Variants in SNAPC4 observed in about 807,000 individuals in gnomAD.
SNAPC4 encodes snRNA-activating protein complex subunit 4.
Under a neutral mutation model 151.3 loss-of-function variants are expected in SNAPC4, and 127 were observed. The observed-to-expected ratio is 0.84, with a 90% CI of 0.73 to 0.97. The LOEUF (loss-of-function observed/expected upper bound fraction) is 0.97. Ranked by LOEUF, SNAPC4 falls within the 50% of genes least tolerant of loss-of-function variation. SNAPC4 has a pLI of 0.00. For missense variants in SNAPC4, 2,186 were observed against 1,935.0 expected (o/e 1.13, Z -2.43); for synonymous variants, 1,002 against 824.4 (o/e 1.22, Z -3.69).
rs550514596 is a variant in SNAPC4 at position 136,383,790 on chromosome 9, C to T, written c.1501-122G>A. On this transcript the variant is annotated intron_variant, in intron 15 of 23. Transcript: ENST00000684778. This position sits in a 1 kb window ranked among gnomAD's most constrained non-coding sequence, Gnocchi z 4.2. ...GGGCGCCTCCGGGGTCAAGAGCAGC[C>T]GCTGCCGAGGCAGGGTCTCCCTTTG... The T allele has an allele frequency of 1.0e-5, 14 of 1,396,226 alleles. No individual in the cohort carries two copies. The East Asian group carries it at 2.3e-4, about 23-fold the overall frequency. The allele number at this position is 1,396,226 out of a possible 1,614,324, so 86.5% of individuals were successfully genotyped here. A position where few individuals can be genotyped will look rare whatever the true frequency, so the allele number is the denominator to read the frequency against.
At chr9:136,379,415 AAG>A in intron 21 of SNAPC4, 116 bp from the exon 22 acceptor site, 1 of 1,483,842 alleles carries the variant, frequency 6.7e-7, no homozygotes, top group Non-Finnish European at 9.1e-7. Flanking sequence ...GTCTTGAGCC[AAG>A]AGAGGGTCAA....
intron 11 of SNAPC4, 123 bp from the exon 12 acceptor site, chr9:136,387,971 A>G: frequency 3.0e-6 from 2 of 668,522 alleles, no homozygotes; most frequent in Non-Finnish European, 5.4e-6. Flanking sequence ...GGTCACATAG[A>G]AAAGAATCAC....
chr9:136,398,242 G>A (rs977397384), intron 2 of SNAPC4, 57 bp downstream of exon 2: 1 of 1,560,192 alleles, frequency 6.4e-7, no homozygotes, highest in Non-Finnish European at 8.7e-7. Context: ...GAGGAACCCA[G>A]GAGGCAGACC....
In SNAPC4 at chr9:136,381,997, T is replaced by C; in HGVS notation, c.2144A>G (p.His715Arg). ...GGCTCTGTGCCGTAGCCACTGCACA[T>C]GGGATCGGGCCACGCTGTCACCAGA... is the stretch of plus-strand genomic sequence containing the variant. Reference protein sequence around the residue: ...VSSGDSVARSHVQWLRHRATQ... With the variant: ...VSSGDSVARSRVQWLRHRATQ... Residue 715 changes from histidine (H) to arginine (R), a missense_variant, in exon 18 of 24, where the codon CAT becomes CGT. Transcript: ENST00000684778. 6.2e-7 allele frequency: 1 copy of C among 1,610,808 alleles called. No homozygotes were observed. The highest frequency in any genetic ancestry group is 8.5e-7 in the Non-Finnish European group (1 of 1,179,580).
Position 136,383,594 on chromosome 9 carries a change from G to A in SNAPC4, c.1575C>T (p.Gly525=), listed in dbSNP as rs138839050. 60 of 1,611,588 alleles carry A rather than the reference G, an allele frequency of 3.7e-5. No homozygotes were observed. The African/African-American group carries it at 7.5e-4, about 20-fold the overall frequency. ...TCCCTCCACTGCTGCCACTGCTGCT[G>A]CCGCTGCTGCTGGTAGAGCTCCACC... ...SVRWSSTSSS[G]SSSGSSGGSS... The change falls in exon 16 of 24, where the codon GGC becomes GGT. Residue 525 remains glycine (G), a synonymous_variant. Transcript: ENST00000684778. The surrounding 1 kb of genome is among the most constrained non-coding windows in gnomAD (Gnocchi z 4.2).
intron 10 of SNAPC4, among the ~76,000 whole-genome samples, chr9:136,390,810 G>A (rs927548844): frequency 1.3e-5 from 2 of 151,318 alleles, no homozygotes; most frequent in Non-Finnish European, 2.9e-5. Flanking sequence ...AATATACATA[G>A]AAGAAAAACC....
At chr9:136,382,199 G>A (rs532802111) in intron 17 of SNAPC4, 54 bp downstream of exon 17, 1 of 1,602,048 alleles carries the variant, frequency 6.2e-7, no homozygotes, top group Non-Finnish European at 8.5e-7. Flanking sequence ...GAATCACTCA[G>A]ACCAGGGCGG....
chr9:136,394,896 A>G lies in SNAPC4; in HGVS notation c.472-18T>C. 1.1e-5 allele frequency: 17 copies of G among 1,611,894 alleles called. No individual in the cohort carries two copies. The highest frequency in any genetic ancestry group is 1.4e-5 in the Non-Finnish European group (17 of 1,178,468). On this transcript the variant is annotated intron_variant, in intron 5 of 23. Transcript: ENST00000684778. ...GGTGGCCCCTGTCAGGGTGCACGGC[A>G]TCACCACAAGCACAGGCCACATGTG...
At chr9:136,376,061 C>A (rs996791535) in intron 23 of SNAPC4, among the ~76,000 whole-genome samples, 1 of 152,212 alleles carries the variant, frequency 6.6e-6, no homozygotes, top group Admixed American at 6.5e-5. Context: ...GAACAGGGCA[C>A]CACCAGAGCA....
Position 136,378,344 on chromosome 9 carries a change from GGA to G in SNAPC4, c.3481_3482del (p.Ser1161ProfsTer25), listed in dbSNP as rs776716032. Reference protein sequence around the residue: ...DTPAPPTHALSQSPAEADGSV... With the variant: ...DTPAPPTHALXQSPAEADGSV... The stretch of plus-strand genomic sequence containing the variant: ...TGCCATCCGCTTCTGCAGGACTTTG[GGA>G]GAGGGCGTGTGTGGGAGGAGCTGGG... On this transcript the variant is annotated frameshift_variant, in exon 22 of 24. Coordinates refer to ENST00000684778, the MANE Select transcript of SNAPC4 (RefSeq NM_003086.4). LOFTEE classifies it high-confidence loss of function. The G allele has an allele frequency of 6.2e-7, 1 of 1,608,420 alleles. No individual in the cohort carries two copies. Among genetic ancestry groups the G allele is most frequent in the Non-Finnish European group, 8.5e-7 (1 of 1,178,164 alleles).
At position 136,388,595 on chromosome 9, in the gene SNAPC4, C is replaced by T; in HGVS notation, c.976-4G>A. 3 of 1,613,940 alleles carry T rather than the reference C, an allele frequency of 1.9e-6. No homozygotes were observed. The highest frequency in any genetic ancestry group is 2.5e-6 in the Non-Finnish European group (3 of 1,180,016). On this transcript the variant is annotated splice_polypyrimidine_tract_variant and splice_region_variant and intron_variant, in intron 10 of 23. Coordinates refer to ENST00000684778, the MANE Select transcript of SNAPC4 (RefSeq NM_003086.4). Reference sequence around the variant, plus strand: ...ACTGGAAGGCGCTGCGGCTGGTCTTCCCAGGCCCAAACAAAAGCAAATGAG... The same window carrying T: ...ACTGGAAGGCGCTGCGGCTGGTCTTTCCAGGCCCAAACAAAAGCAAATGAG...
rs986354130 is a variant in SNAPC4 at position 136,397,039 on chromosome 9, G to C, written c.131-16C>G. 1 of 1,611,260 alleles carries C rather than the reference G, an allele frequency of 6.2e-7. No homozygotes were observed. The highest frequency in any genetic ancestry group is 1.7e-5 in the Admixed American group (1 of 60,000). On this transcript the variant is annotated splice_polypyrimidine_tract_variant and intron_variant, in intron 2 of 23. Coordinates refer to ENST00000684778, the MANE Select transcript of SNAPC4 (RefSeq NM_003086.4). Reference sequence around the variant, plus strand: ...GGCAGTGAATCTGTCAGAAACACAAGCAACACCGTGTTGGTAACCAGCGTC... The same window carrying C: ...GGCAGTGAATCTGTCAGAAACACAACCAACACCGTGTTGGTAACCAGCGTC...
rs1192259549 is a variant in SNAPC4 at position 136,383,235 on chromosome 9, G to A, written c.1934C>T (p.Ser645Phe). 2 of 1,579,922 alleles carry A rather than the reference G, an allele frequency of 1.3e-6. No individual in the cohort carries two copies. Among genetic ancestry groups the A allele is most frequent in the Non-Finnish European group, 1.7e-6 (2 of 1,164,386 alleles). ...HGPVPRSAQA[S>F]HSADTRPAGA... The stretch of plus-strand genomic sequence containing the variant: ...CGCCGGGCGAGTGTCTGCTGAGTGG[G>A]AGGCCTGGGCAGACCTCGGGACAGG... The change falls in exon 16 of 24, where the codon TCC (serine) becomes TTC (phenylalanine). Residue 645 changes from serine to phenylalanine, a missense_variant. By Grantham distance (155) the Ser-to-Phe change is radical (BLOSUM62 -2). Coordinates refer to ENST00000684778, the MANE Select transcript of SNAPC4 (RefSeq NM_003086.4). The surrounding 1 kb of genome is among the most constrained non-coding windows in gnomAD (Gnocchi z 4.2).
intron 4 of SNAPC4, 50 bp downstream of exon 4, chr9:136,395,553 G>A (rs892641147): frequency 4.5e-6 from 7 of 1,572,864 alleles, no homozygotes; most frequent in South Asian, 1.1e-5. Context: ...GCTGTGGGGG[G>A]CTCTGGGGGT....
rs762607492 is a variant in SNAPC4 at position 136,387,486 on chromosome 9, G to C, written c.1324C>G (p.Arg442Gly). The C allele has an allele frequency of 6.2e-7, 1 of 1,606,790 alleles. No individual in the cohort carries two copies. Reference sequence around the variant, plus strand: ...CTCGCTCAGCGCTGTGCGACTCACCGATCTCGGCACTGGGCATCGCTCCTA... The same window carrying C: ...CTCGCTCAGCGCTGTGCGACTCACCCATCTCGGCACTGGGCATCGCTCCTA... ...PGRSDAQCRD[R>G]YLRRLHFSLK... Residue 442 changes from arginine to glycine, a missense_variant and splice_region_variant, in exon 13 of 24, where the codon CGG becomes GGG. Transcript: ENST00000684778.
At chr9:136,379,769 G>A in intron 21 of SNAPC4, 68 bp downstream of exon 21, 2 of 1,471,824 alleles carry the variant, frequency 1.4e-6, no homozygotes, top group East Asian at 2.3e-5. Context: ...GCCAGGGCCA[G>A]GTTAGGCCTC....
At chr9:136,398,163 C>A in intron 2 of SNAPC4, 136 bp downstream of exon 2, 1 of 805,462 alleles carries the variant, frequency 1.2e-6, no homozygotes, top group Admixed American at 2.9e-5. Flanking sequence ...TCACCTCAGC[C>A]TCAGGAGTCC....
intron 10 of SNAPC4, among the ~76,000 whole-genome samples, chr9:136,390,130 A>G (rs911153222): frequency 6.6e-6 from 1 of 152,120 alleles, no homozygotes; most frequent in African/African-American, 2.4e-5. Flanking sequence ...GACACACCAG[A>G]CCCAGGAGGA....
intron 12 of SNAPC4, 65 bp downstream of exon 12, chr9:136,387,677 C>T: frequency 2.2e-6 from 3 of 1,372,302 alleles, no homozygotes; most frequent in Non-Finnish European, 3.1e-6. Context: ...TGGGGCACAG[C>T]AGCCGCTGAA....
Sources: allele counts gnomAD v4.1 joint callset (sites outside exome capture counted in the v4.1 genomes callset), GRCh38; gene constraint gnomAD v4.1.1; non-coding constraint Gnocchi (gnomAD v3.1); transcripts MANE v1.5; gene names NCBI Gene and HGNC (gene_info 2026-07-23, HGNC 2026-07-21).